The following DUSP10 variants were observed in gnomAD, a reference collection of about 807,000 sequenced individuals.
DUSP10 encodes dual specificity protein phosphatase 10.
In DUSP10, 14 loss-of-function variants were observed where a neutral mutation model predicts 30.8. The ratio of observed to expected loss-of-function variants is 0.46; its 90% CI spans 0.30 to 0.71. DUSP10 has a LOEUF of 0.71. Ranked by LOEUF, DUSP10 falls within the 30% of genes least tolerant of loss-of-function variation. The pLI is 0.08. For missense variants in DUSP10, 550 were observed against 619.4 expected (o/e 0.89, Z 1.19); for synonymous variants, 254 against 250.4 (o/e 1.01, Z -0.14).
chr1:221,718,114 T>TGGGGGCGGGGGCTGCA (rs1661166045), intron 2 of DUSP10, among the ~76,000 whole-genome samples: 1 of 1,100 alleles, frequency 9.1e-4, no homozygotes, highest in Non-Finnish European at 1.9e-3. Flanking sequence ...GTGGTGGGGG[T>TGGGGGCGGGGGCTGCA]GGGGGCGGGG....
rs769387605 is a variant in DUSP10 at position 221,701,756 on chromosome 1, A to G, written c.*656T>C. 1 of 152,440 alleles carries G rather than the reference A, an allele frequency of 6.6e-6. No homozygotes were observed. The highest frequency in any genetic ancestry group is 1.5e-5 in the Non-Finnish European group (1 of 67,988). The allele number at this position is 152,440 out of a possible 1,614,324, so 9.4% of individuals were successfully genotyped here. ...ATATTATTGCACAAGAAGCCAGTGA[A>G]GGCATATAATGGTCAGTTCCTCACT... On this transcript the variant is annotated 3_prime_UTR_variant, in exon 4 of 4. Transcript: ENST00000366899.
intron 2 of DUSP10, among the ~76,000 whole-genome samples, chr1:221,730,359 C>A (rs146731708): frequency 6.6e-6 from 1 of 152,198 alleles, no homozygotes. Flanking sequence ...CCTGATGCGA[C>A]CCCCTGGCTC....
rs564808276 is a variant in DUSP10, at chr1:221,709,028, T to C, written c.812-2562A>G. 2.1e-3 allele frequency among the ~76,000 whole-genome samples: 308 copies of C among 146,308 alleles called. 1 individual carries two copies. Among genetic ancestry groups the C allele is most frequent in the African/African-American group, 7.2e-3 (286 of 39,880 alleles). ...AAAAAAAAAAAAAAAAACCAACACA[T>C]GCTAGAAAACCCCACACACAGAAAA... is the stretch of plus-strand genomic sequence containing the variant. On this transcript the variant is annotated intron_variant, in intron 2 of 3. Transcript: ENST00000366899.
In DUSP10 at chr1:221,706,397, C is replaced by G. The variant is rs770902966; in HGVS notation, c.881G>C (p.Arg294Pro). The change falls in exon 3 of 4, where the codon CGG becomes CCG. Residue 294 changes from arginine to proline, a missense_variant. Physicochemically the swap from Arg to Pro is moderately radical, Grantham distance 103 (BLOSUM62 -2). Coordinates refer to ENST00000366899, the MANE Select transcript of DUSP10 (RefSeq NM_007207.6). The surrounding 1 kb of genome is among the most constrained non-coding windows in gnomAD (Gnocchi z 4.6). Reference sequence around the variant, plus strand: ...CGCGGATGCGCCGCCCCCCACCTCCCGGCACTCTTGGAGCTGGAGGGAGTT... The same window carrying G: ...CGCGGATGCGCCGCCCCCCACCTCCGGGCACTCTTGGAGCTGGAGGGAGTT... ...CDNSLQLQEC[R>P]EVGGGASAAS... The G allele has an allele frequency of 6.4e-7, 1 of 1,571,276 alleles. No individual in the cohort carries two copies. Among genetic ancestry groups the G allele is most frequent in the East Asian group, 2.3e-5 (1 of 44,386 alleles).
chr1:221,739,974 C>T (rs1349009347), intron 1 of DUSP10, among the ~76,000 whole-genome samples, 187 bp from the exon 2 acceptor site: 2 of 152,150 alleles, frequency 1.3e-5, no homozygotes, highest in Non-Finnish European at 2.9e-5. Context: ...CCTGAGGGCT[C>T]CAATCAATTT....
intron 3 of DUSP10, among the ~76,000 whole-genome samples, chr1:221,704,316 T>TAAAAA (rs10543773): frequency 7.4e-6 from 1 of 134,364 alleles, no homozygotes. Flanking sequence ...TTGTTTTCCT[T>TAAAAA]AAAAAAAAAA....
Position 221,706,159 on chromosome 1 carries a change from C to T in DUSP10, c.1119G>A (p.Leu373=). ...TCTGCTTGTTGCTGTCAGTGGCTGG[C>T]AGCCGCTTGTAGTTGAACAGGCCTT... The part of the protein sequence containing the change: ...YEKGLFNYKR[L]PATDSNKQNL... Residue 373 remains leucine, a synonymous_variant, in exon 3 of 4, where the codon CTG becomes CTA. Transcript: ENST00000366899. This position sits in a 1 kb window ranked among gnomAD's most constrained non-coding sequence, Gnocchi z 4.6. 6.2e-7 allele frequency: 1 copy of T among 1,614,158 alleles called. No homozygotes were observed. The highest frequency in any genetic ancestry group is 8.5e-7 in the Non-Finnish European group (1 of 1,180,028).
intron 2 of DUSP10, among the ~76,000 whole-genome samples, chr1:221,720,897 C>A (rs191465650): frequency 1.3e-4 from 20 of 152,222 alleles, no homozygotes; most frequent in Admixed American, 7.8e-4. Context: ...TCTGAAGTTA[C>A]CTATTTATTT....
intron 2 of DUSP10, among the ~76,000 whole-genome samples, chr1:221,737,937 G>A (rs1017024379): frequency 6.6e-5 from 10 of 152,154 alleles, no homozygotes; most frequent in Admixed American, 1.3e-4. Flanking sequence ...CAGAAACTGC[G>A]TACCTTGGCT....
At chr1:221,737,741 A>C (rs971679167) in intron 2 of DUSP10, among the ~76,000 whole-genome samples, 5 of 152,252 alleles carry the variant, frequency 3.3e-5, no homozygotes, top group African/African-American at 1.2e-4. Flanking sequence ...TTCCCAGAAC[A>C]CTGCTTAACA....
chr1:221,720,384 C>T (rs1340516867), intron 2 of DUSP10, among the ~76,000 whole-genome samples: 2 of 152,188 alleles, frequency 1.3e-5, no homozygotes, highest in Non-Finnish European at 2.9e-5. Flanking sequence ...TGTAATGAAG[C>T]CCCCATAAAC....
Position 221,733,859 on chromosome 1 carries a change from A to G in DUSP10, c.811+5075T>C, listed in dbSNP as rs1413029342. ...ATCGTGAATGAGGAACAGATAAAGC[A>G]AGAACATGGCTGGGAGAGAGAGTTC... On this transcript the variant is annotated intron_variant, in intron 2 of 3. Transcript: ENST00000366899. Among the ~76,000 whole-genome samples the G allele has an allele frequency of 5.3e-5, 8 of 152,244 alleles. No individual in the cohort carries two copies. In the South Asian group the frequency reaches 8.3e-4, roughly 16 times the overall value.
intron 2 of DUSP10, among the ~76,000 whole-genome samples, chr1:221,708,856 A>G (rs2102617435): frequency 6.6e-6 from 1 of 152,302 alleles, no homozygotes; most frequent in East Asian, 1.9e-4. Context: ...TTTTCTTCAA[A>G]AAAGGCAGTT....
rs1172724934 is a variant in DUSP10, at chr1:221,739,440, G to T, written c.305C>A (p.Thr102Asn). Reference sequence around the variant, plus strand: ...GGTAGAGGTTCCGATGGCAGTGGTGGTGGTGCCAGCGGCAATGGCTTGGGT... The same window carrying T: ...GGTAGAGGTTCCGATGGCAGTGGTGTTGGTGCCAGCGGCAATGGCTTGGGT... ...AQTQAIAAGTTTTAIGTSTTC... is the reference protein window; with the variant it reads ...AQTQAIAAGTNTTAIGTSTTC... Residue 102 changes from threonine to asparagine, a missense_variant, in exon 2 of 4, where the codon ACC becomes AAC. By Grantham distance (65) the Thr-to-Asn change is moderately conservative (BLOSUM62 0). Transcript: ENST00000366899. 2.5e-6 allele frequency: 4 copies of T among 1,614,082 alleles called. No individual in the cohort carries two copies. Among genetic ancestry groups the T allele is most frequent in the Non-Finnish European group, 3.4e-6 (4 of 1,180,046 alleles).
intron 2 of DUSP10, among the ~76,000 whole-genome samples, chr1:221,725,968 G>A (rs1455461913): frequency 6.6e-6 from 1 of 152,236 alleles, no homozygotes; most frequent in Non-Finnish European, 1.5e-5. Flanking sequence ...ATAGCGCTGA[G>A]TGGTGCTTCC....
At chr1:221,719,331 A>G (rs1661211495) in intron 2 of DUSP10, among the ~76,000 whole-genome samples, 1 of 152,194 alleles carries the variant, frequency 6.6e-6, no homozygotes, top group South Asian at 2.1e-4. Context: ...TTGCAGAAAG[A>G]AAAGGCATGG....
chr1:221,733,070 T>C (rs908594069), intron 2 of DUSP10, among the ~76,000 whole-genome samples: 1 of 152,264 alleles, frequency 6.6e-6, no homozygotes, highest in Non-Finnish European at 1.5e-5. Context: ...CACACATTCA[T>C]GCCCAAACTG....
rs149894231 is a variant in DUSP10, at chr1:221,738,900, A to G, written c.811+34T>C. 5.3e-4 allele frequency: 826 copies of G among 1,561,420 alleles called. 3 individuals carry two copies. The African/African-American group carries it at 9.7e-3, about 18-fold the overall frequency. On this transcript the variant is annotated intron_variant, in intron 2 of 3. Coordinates refer to ENST00000366899, the MANE Select transcript of DUSP10 (RefSeq NM_007207.6). ...AAACCCAAAGTGAACCCGGCTAATC[A>G]GGACCGTGCTTGGGAAGGGAGCAGG...
chr1:221,703,072 CT>C (rs1031786714), intron 3 of DUSP10, among the ~76,000 whole-genome samples: 5 of 151,392 alleles, frequency 3.3e-5, no homozygotes, highest in African/African-American at 9.7e-5. Flanking sequence ...GTCTTGTTCT[CT>C]TTTTTTCTGG....
Sources: gnomAD v4.1 joint callset for allele counts (sites outside exome capture counted in the v4.1 genomes callset) on GRCh38, gnomAD v4.1.1 for gene constraint, Gnocchi (gnomAD v3.1) non-coding constraint, MANE v1.5 for transcripts, NCBI Gene and HGNC (gene_info 2026-07-23, HGNC 2026-07-21) for gene names.